The following WDR20 variants were observed in gnomAD, a reference collection of about 807,000 sequenced individuals.
WDR20 encodes the protein WD repeat domain 20.
Under a neutral mutation model 38.7 loss-of-function variants are expected in WDR20, and 3 were observed. The observed-to-expected ratio is 0.08, with a 90% CI of 0.04 to 0.20. The LOEUF is 0.20. Among genes scored for constraint, WDR20 ranks in the 10% least tolerant of loss-of-function variants. WDR20 has a pLI of 1.00. For missense variants in WDR20, 559 were observed against 727.7 expected, an observed-to-expected ratio of 0.77 and a Z score of 2.67; for synonymous variants, 298 against 285.6, an observed-to-expected ratio of 1.04 and a Z score of -0.44.
Position 102,220,351 on chromosome 14 carries a change from A to G in WDR20, c.1693-2479A>G, listed in dbSNP as rs1030019493. Among the ~76,000 whole-genome samples, 1 of 152,254 alleles carries G rather than the reference A, an allele frequency of 6.6e-6. No individual in the cohort carries two copies. The highest frequency in any genetic ancestry group is 2.4e-5 in the African/African-American group (1 of 41,468). ...TGCCATAACGTGTCAACCACACAGC[A>G]CACCTCAAAGGCTTCTTACCAAAAA... On this transcript the variant is annotated intron_variant, in intron 3 of 3. Transcript: ENST00000335263. The surrounding 1 kb of genome is among the most constrained non-coding windows in gnomAD (Gnocchi z 4.2).
In WDR20 at chr14:102,174,944, A is replaced by C. The variant is rs72698541; in HGVS notation, c.250-19994A>C. 2.0e-5 allele frequency among the ~76,000 whole-genome samples: 3 copies of C among 152,120 alleles called. No homozygotes were observed. The South Asian group carries it at 6.2e-4, about 32-fold the overall frequency. ...TTGCTGATTTGTTTTAGTTTCTTAT[A>C]GATTCTAGATATTAGTCCTTTGCTG... On this transcript the variant is annotated intron_variant, in intron 1 of 2. Transcript: ENST00000342702.
chr14:102,147,535 C>G (rs1000101687), intron 1 of WDR20, among the ~76,000 whole-genome samples: 9 of 152,162 alleles, frequency 5.9e-5, no homozygotes, highest in Non-Finnish European at 1.2e-4. Context: ...GTTTTAGATG[C>G]TGGGTGTAGT....
intron 1 of WDR20, among the ~76,000 whole-genome samples, chr14:102,173,775 T>G (rs2061487776): frequency 6.6e-6 from 1 of 151,996 alleles, no homozygotes; most frequent in South Asian, 2.1e-4. Flanking sequence ...CCGGGCGAGG[T>G]GATTCACGCC....
chr14:102,187,778 C>T lies in WDR20; in HGVS notation c.250-7160C>T, dbSNP rs150216036. Among the ~76,000 whole-genome samples, 439 of 152,268 alleles carry T rather than the reference C, an allele frequency of 2.9e-3. 4 individuals are homozygous for T. Among genetic ancestry groups the T allele is most frequent in the African/African-American group, 0.01 (417 of 41,548 alleles). On this transcript the variant is annotated intron_variant, in intron 1 of 2. Transcript: ENST00000342702. The stretch of plus-strand genomic sequence containing the variant: ...TGGGGAAACCCAGGCTGGATGAGGG[C>T]CCTGAAGCTGTCCTTTGGGCAGGGG...
At position 102,194,438 on chromosome 14, in the gene WDR20, G is replaced by A. The variant is rs1039701854; in HGVS notation, c.250-500G>A. On this transcript the variant is annotated intron_variant, in intron 1 of 2. Transcript: ENST00000342702. ...TCTGATTCATTTAGTCTGGGGTGAGGTTTGAGATTTTTGCATTTCTAAGTT... is the reference window on the plus strand; with the variant it reads ...TCTGATTCATTTAGTCTGGGGTGAGATTTGAGATTTTTGCATTTCTAAGTT... Among the ~76,000 whole-genome samples the A allele has an allele frequency of 2.6e-5, 4 of 152,266 alleles. No homozygotes were observed. In the East Asian group the frequency reaches 7.7e-4, roughly 29 times the overall value.
intron 2 of WDR20, among the ~76,000 whole-genome samples, chr14:102,204,843 T>G (rs1280837146): frequency 6.6e-6 from 1 of 152,226 alleles, no homozygotes; most frequent in Admixed American, 6.5e-5. Flanking sequence ...TAGATGTCCA[T>G]CAGTGGGGCA....
chr14:102,155,611 G>A (rs558688952), intron 1 of WDR20, among the ~76,000 whole-genome samples: 4 of 152,120 alleles, frequency 2.6e-5, no homozygotes, highest in Non-Finnish European at 5.9e-5. Flanking sequence ...GGGCTCCTTA[G>A]CCTGACTAGA....
At chr14:102,210,725 T>G (rs1408894010), downstream of WDR20, among the ~76,000 whole-genome samples, 1 of 151,436 alleles carries the variant, frequency 6.6e-6, no homozygotes, top group Non-Finnish European at 1.5e-5. Flanking sequence ...AGTTTTTTGG[T>G]TTTTTGCCGG....
chr14:102,170,732 G>A (rs559809376), intron 1 of WDR20, among the ~76,000 whole-genome samples: 4 of 151,608 alleles, frequency 2.6e-5, no homozygotes, highest in South Asian at 2.1e-4. Flanking sequence ...GCTGGTCTGC[G>A]ATCGTTCCAC....
chr14:102,176,345 A>G (rs531064435), intron 1 of WDR20, among the ~76,000 whole-genome samples: 2 of 151,820 alleles, frequency 1.3e-5, no homozygotes, highest in East Asian at 2.0e-4. Flanking sequence ...CAGTGAGCCA[A>G]GATCGCGCCA....
At chr14:102,185,848 T>TTA (rs2064554842) in intron 1 of WDR20, among the ~76,000 whole-genome samples, 1 of 152,158 alleles carries the variant, frequency 6.6e-6, no homozygotes, top group Non-Finnish European at 1.5e-5. Flanking sequence ...ATATTTGCTT[T>TTA]TATATACATT....
At chr14:102,205,954 C>T (rs970155619) in intron 2 of WDR20, among the ~76,000 whole-genome samples, 1 of 152,078 alleles carries the variant, frequency 6.6e-6, no homozygotes, top group African/African-American at 2.4e-5. Flanking sequence ...CATGTGTCTA[C>T]TTAGGGTCGT....
chr14:102,209,230 A>G lies in WDR20; in HGVS notation c.1060A>G (p.Lys354Glu), dbSNP rs750390496. ...AAATAGTACACAGTCCAGGCTCTCCAAACGGAACTCTACAGACAGCCGCCC... is the reference window on the plus strand; with the variant it reads ...AAATAGTACACAGTCCAGGCTCTCCGAACGGAACTCTACAGACAGCCGCCC... ...RANSTQSRLS[K>E]RNSTDSRPVS... Residue 354 changes from lysine to glutamate, a missense_variant, in exon 3 of 3, where the codon AAA becomes GAA. By Grantham distance (56) the Lys-to-Glu change is moderately conservative. Transcript: ENST00000342702. This position sits in a 1 kb window ranked among gnomAD's most constrained non-coding sequence, Gnocchi z 6.0. The G allele has an allele frequency of 6.2e-7, 1 of 1,614,178 alleles. No homozygotes were observed. The highest frequency in any genetic ancestry group is 8.5e-7 in the Non-Finnish European group (1 of 1,180,030).
At chr14:102,172,993 T>G (rs1420725768) in intron 1 of WDR20, among the ~76,000 whole-genome samples, 1 of 148,538 alleles carries the variant, frequency 6.7e-6, no homozygotes, top group Non-Finnish European at 1.5e-5. Context: ...GCAAAGGCAC[T>G]CCCCACATCT....
In WDR20 at chr14:102,222,407, C is replaced by T. The variant is rs565031769; in HGVS notation, c.1693-423C>T. On this transcript the variant is annotated intron_variant, in intron 3 of 3. Coordinates refer to the WDR20 transcript ENST00000335263. The surrounding 1 kb of genome is among the most constrained non-coding windows in gnomAD (Gnocchi z 4.4). ...CTGAACTCTATCCTTGGAGACAACCCCTGGCTCCGAGGGACTGGGTGTGCG... is the reference window on the plus strand; with the variant it reads ...CTGAACTCTATCCTTGGAGACAACCTCTGGCTCCGAGGGACTGGGTGTGCG... Among the ~76,000 whole-genome samples the T allele has an allele frequency of 1.3e-5, 2 of 152,344 alleles. No homozygotes were observed. Among genetic ancestry groups the T allele is most frequent in the African/African-American group, 4.8e-5 (2 of 41,584 alleles).
chr14:102,205,543 GCTTAGAGA>G (rs2061377425), intron 2 of WDR20, among the ~76,000 whole-genome samples: 1 of 151,964 alleles, frequency 6.6e-6, no homozygotes, highest in African/African-American at 2.4e-5. Flanking sequence ...TAATTTTGAG[GCTTAGAGA>G]GCATGGGTGT....
chr14:102,213,391 T>C (rs750963167), downstream of WDR20: 34 of 985,360 alleles, frequency 3.5e-5, no homozygotes, highest in Admixed American at 6.1e-5. Context: ...GGATCTCATT[T>C]CTCTTTTGTG....
chr14:102,224,494 A>G, downstream of WDR20: 1 of 444,162 alleles, frequency 2.3e-6, no homozygotes, highest in South Asian at 1.6e-5. Flanking sequence ...ATCATATACA[A>G]CTGGATCCTT....
At chr14:102,224,437 A>C, downstream of WDR20, 1 of 383,026 alleles carries the variant, frequency 2.6e-6, no homozygotes, top group Non-Finnish European at 5.1e-6. Flanking sequence ...ATCCCAACAG[A>C]ATGTGCAGCT....
Sources: allele counts gnomAD v4.1 joint callset (sites outside exome capture counted in the v4.1 genomes callset), GRCh38; gene constraint gnomAD v4.1.1; non-coding constraint Gnocchi (gnomAD v3.1); transcripts MANE v1.5; gene names NCBI Gene and HGNC (gene_info 2026-07-23, HGNC 2026-07-21).